Variants in SLC12A7 observed in about 807,000 individuals in gnomAD.
The protein encoded by SLC12A7 is K-Cl cotransporter 4.
In SLC12A7, 100 loss-of-function variants were observed where a neutral mutation model predicts 120.6. The observed-to-expected ratio is 0.83, with a 90% confidence interval of 0.71 to 0.98. The LOEUF (loss-of-function observed/expected upper bound fraction) is 0.98, where lower values mean the gene tolerates loss of function less well. Among genes scored for constraint, SLC12A7 ranks in the 50% least tolerant of loss-of-function variants. SLC12A7 has a pLI of 0.00. For missense variants in SLC12A7, 1,373 were observed against 1,548.1 expected (o/e 0.89, Z 1.90); for synonymous variants, 760 against 678.0 (o/e 1.12, Z -1.88).
At chr5:1,107,741 G>C (rs893866617) in intron 1 of SLC12A7, among the ~76,000 whole-genome samples, 1 of 152,188 alleles carries the variant, frequency 6.6e-6, no homozygotes, top group East Asian at 1.9e-4. Context: ...GAAAACCACC[G>C]TGGAATCCGT....
chr5:1,068,259 AC>A (rs1025260164), intron 17 of SLC12A7, among the ~76,000 whole-genome samples: 2 of 152,020 alleles, frequency 1.3e-5, no homozygotes. Flanking sequence ...ATGTGGCGAA[AC>A]CCCGTCTCTA....
chr5:1,080,949 C>A (rs1262304934), intron 9 of SLC12A7, among the ~76,000 whole-genome samples: 2 of 151,990 alleles, frequency 1.3e-5, no homozygotes, highest in Non-Finnish European at 2.9e-5. Context: ...CTGAGCCAAA[C>A]AGGCAAGATA....
intron 1 of SLC12A7, among the ~76,000 whole-genome samples, chr5:1,107,551 G>T (rs1020759638): frequency 6.6e-6 from 1 of 152,172 alleles, no homozygotes; most frequent in Admixed American, 6.5e-5. Context: ...CAAGGTCTCC[G>T]ACATTCACCG....
At chr5:1,116,126 C>T (rs547589932), upstream of SLC12A7, among the ~76,000 whole-genome samples, 58 of 152,038 alleles carry the variant, frequency 3.8e-4, 1 homozygote, top group Middle Eastern at 6.8e-3. Flanking sequence ...TGTGGGGGCT[C>T]GAAGGGAGCT....
chr5:1,109,061 G>A lies in SLC12A7; in HGVS notation c.124+2807C>T, dbSNP rs114048211. ...GAGGGTGGGAGACCTGGGGGTACAA[G>A]GCAGGACCCACCCTCTCCCAGCCCA... On this transcript the variant is annotated intron_variant, in intron 1 of 23. Transcript: ENST00000264930. Among the ~76,000 whole-genome samples the A allele has an allele frequency of 4.8e-3, 732 of 152,332 alleles. 6 individuals are homozygous for A. The highest frequency in any genetic ancestry group is 0.017 in the African/African-American group (709 of 41,570).
chr5:1,063,301 C>T (rs1485316683), intron 20 of SLC12A7, among the ~76,000 whole-genome samples: 4 of 152,206 alleles, frequency 2.6e-5, no homozygotes, highest in Non-Finnish European at 5.9e-5. Flanking sequence ...GGTTTCCAGC[C>T]GTGGGAAGGT....
the SLC12A7 span, among the ~76,000 whole-genome samples, chr5:1,140,595 A>G: frequency 1.2e-3 from 190 of 152,344 alleles, no homozygotes; most frequent in African/African-American, 4.4e-3. Flanking sequence ...CGGTGCCAGC[A>G]TGCCCAGCAA....
chr5:1,064,272 T>A lies in SLC12A7; in HGVS notation c.2438-20A>T. 6.3e-7 allele frequency: 1 copy of A among 1,598,974 alleles called. No homozygotes were observed. The highest frequency in any genetic ancestry group is 8.5e-7 in the Non-Finnish European group (1 of 1,172,452). On this transcript the variant is annotated intron_variant, in intron 18 of 23. Transcript: ENST00000264930. ...CGGTGTCTGCGGAGAGAGGCGGCCG[T>A]CCGCAGGTCATCTGAGGCCAGGGTG...
At chr5:1,154,354 A>AACACACACACACACACAC in the SLC12A7 span, among the ~76,000 whole-genome samples, 24 of 141,808 alleles carry the variant, frequency 1.7e-4, no homozygotes, top group South Asian at 7.2e-4. Context: ...TGGTGTCCGC[A>AACACACACACACACACAC]ACACACACAC....
intron 22 of SLC12A7, among the ~76,000 whole-genome samples, chr5:1,054,600 C>A (rs375235656): frequency 1.3e-5 from 2 of 152,170 alleles, no homozygotes; most frequent in African/African-American, 2.4e-5. Flanking sequence ...CAGCTGCAGC[C>A]GTGCGGTCGT....
chr5:1,120,678 C>A, the SLC12A7 span, among the ~76,000 whole-genome samples: 7 of 152,376 alleles, frequency 4.6e-5, no homozygotes, highest in South Asian at 1.5e-3. Context: ...ACATTCCCAT[C>A]AGCAGGGCAG....
At chr5:1,080,878 G>A (rs1261299704) in intron 9 of SLC12A7, among the ~76,000 whole-genome samples, 4 of 152,208 alleles carry the variant, frequency 2.6e-5, no homozygotes, top group African/African-American at 9.6e-5. Flanking sequence ...GCCTGGGAGA[G>A]CAGCAGACAG....
chr5:1,085,731 C>T (rs779066172), intron 6 of SLC12A7, among the ~76,000 whole-genome samples: 13 of 152,100 alleles, frequency 8.5e-5, no homozygotes, highest in African/African-American at 1.2e-4. Flanking sequence ...CGGGGGTCAG[C>T]GCACAGGCCA....
chr5:1,094,907 C>T (rs937283143), intron 1 of SLC12A7, among the ~76,000 whole-genome samples: 3 of 151,956 alleles, frequency 2.0e-5, no homozygotes, highest in African/African-American at 7.3e-5. Context: ...CTAGCAGCTG[C>T]CCGAGAGCAT....
chr5:1,139,630 C>T, the SLC12A7 span, among the ~76,000 whole-genome samples: 2 of 152,250 alleles, frequency 1.3e-5, no homozygotes, highest in Non-Finnish European at 2.9e-5. Context: ...GAGTGGCCCC[C>T]ATGTTCCTCT....
At chr5:1,100,549 C>T (rs918928117) in intron 1 of SLC12A7, among the ~76,000 whole-genome samples, 17 of 152,208 alleles carry the variant, frequency 1.1e-4, no homozygotes, top group Admixed American at 6.5e-5. Flanking sequence ...CTGGCTGGGG[C>T]GGGAAAGGAA....
the SLC12A7 span, among the ~76,000 whole-genome samples, chr5:1,147,620 C>T: frequency 1.3e-5 from 2 of 152,210 alleles, no homozygotes; most frequent in African/African-American, 2.4e-5. Context: ...CACCCAAATA[C>T]TAATCAGAAA....
At chr5:1,087,137 C>T (rs964742157) in intron 5 of SLC12A7, 104 bp from the exon 6 acceptor site, 100 of 1,414,258 alleles carry the variant, frequency 7.1e-5, no homozygotes, top group Non-Finnish European at 9.0e-5. Flanking sequence ...CCTGTCTCTG[C>T]GAAGGCAGCG....
chr5:1,072,299 C>T (rs1473035760), intron 17 of SLC12A7, among the ~76,000 whole-genome samples: 4 of 1,682 alleles, frequency 2.4e-3, no homozygotes, highest in African/African-American at 4.0e-3. Context: ...AGCACACGGG[C>T]ATCACACTTA....
Sources: gnomAD v4.1 joint callset for allele counts (sites outside exome capture counted in the v4.1 genomes callset) on GRCh38, gnomAD v4.1.1 for gene constraint, MANE v1.5 for transcripts, NCBI Gene and HGNC (gene_info 2026-07-23, HGNC 2026-07-21) for gene names.